Variants in TOP6BL observed in about 807,000 individuals in gnomAD.
TOP6BL encodes the protein TOP6B like initiator of meiotic double strand breaks.
At chr11:66,761,942 G>T in the TOP6BL span, 32 of 1,521,020 alleles carry the variant, frequency 2.1e-5, no homozygotes, top group South Asian at 3.0e-4. Flanking sequence ...TCAATTCAGG[G>T]TCTTCAACCT....
At chr11:66,827,966 G>GAAA in the TOP6BL span, among the ~76,000 whole-genome samples, 33 of 30,006 alleles carry the variant, frequency 1.1e-3, no homozygotes, top group Non-Finnish European at 1.7e-3. Context: ...CTCTGTCTCA[G>GAAA]AAAAAAAAAA....
chr11:66,813,789 T>G, the TOP6BL span: 2 of 1,349,624 alleles, frequency 1.5e-6, no homozygotes, highest in Non-Finnish European at 2.1e-6. Flanking sequence ...ACCAGGTCAG[T>G]GTTGTTTGTT....
the TOP6BL span, among the ~76,000 whole-genome samples, chr11:66,827,286 G>A: frequency 6.6e-6 from 1 of 151,954 alleles, no homozygotes; most frequent in Non-Finnish European, 1.5e-5. Context: ...CCGACCTCAG[G>A]TGATCCACCT....
At chr11:66,822,732 G>T in the TOP6BL span, 1 of 1,215,940 alleles carries the variant, frequency 8.2e-7, no homozygotes, top group African/African-American at 1.5e-5. Context: ...GGCTGGGTAC[G>T]GTGGCTCATG....
chr11:66,759,126 G>C, the TOP6BL span: 1 of 1,379,296 alleles, frequency 7.3e-7, no homozygotes, highest in East Asian at 2.4e-5. Flanking sequence ...CCATGAGACT[G>C]AATATCTTCC....
chr11:66,788,783 A>G, the TOP6BL span, among the ~76,000 whole-genome samples: 11 of 152,190 alleles, frequency 7.2e-5, no homozygotes, highest in Non-Finnish European at 1.2e-4. Context: ...TATGTCGCAC[A>G]GTCTGGAGTG....
At chr11:66,843,317 C>A in the TOP6BL span, 3 of 1,535,160 alleles carry the variant, frequency 2.0e-6, no homozygotes, top group Non-Finnish European at 2.6e-6. Context: ...CTGCCGCGCG[C>A]TCACCAAGTC....
the TOP6BL span, among the ~76,000 whole-genome samples, chr11:66,830,447 G>A: frequency 6.6e-6 from 1 of 152,114 alleles, no homozygotes; most frequent in African/African-American, 2.4e-5. Flanking sequence ...AAGAAAAAAG[G>A]CTCAAATCCA....
chr11:66,795,961 A>G, the TOP6BL span: 59 of 226,762 alleles, frequency 2.6e-4, no homozygotes, highest in African/African-American at 1.0e-3. Flanking sequence ...GCACATTAGG[A>G]TGGTGGAGTT....
chr11:66,774,421 C>A, the TOP6BL span, among the ~76,000 whole-genome samples: 1 of 151,874 alleles, frequency 6.6e-6, no homozygotes, highest in East Asian at 1.9e-4. Flanking sequence ...CCTTGTTTTT[C>A]TTTTTCAGAA....
At chr11:66,819,972 G>A in the TOP6BL span, among the ~76,000 whole-genome samples, 7 of 151,822 alleles carry the variant, frequency 4.6e-5, no homozygotes, top group African/African-American at 1.7e-4. Context: ...CCAGCTATTC[G>A]GGAGGCTGAG....
the TOP6BL span, among the ~76,000 whole-genome samples, chr11:66,782,114 T>A: frequency 6.6e-6 from 1 of 152,144 alleles, no homozygotes; most frequent in African/African-American, 2.4e-5. Context: ...AAACTCTATC[T>A]CCTCTGTGGG....
chr11:66,831,778 G>A, the TOP6BL span, among the ~76,000 whole-genome samples: 21 of 152,026 alleles, frequency 1.4e-4, no homozygotes, highest in South Asian at 2.5e-3. Context: ...AGTGGATCAC[G>A]AGGTCAAGAG....
At chr11:66,779,808 T>TAC in the TOP6BL span, among the ~76,000 whole-genome samples, 519 of 152,052 alleles carry the variant, frequency 3.4e-3, 4 homozygotes, top group African/African-American at 0.011. Context: ...GTGGCACATA[T>TAC]ACCATGGAAT....
chr11:66,820,659 C>T, the TOP6BL span, among the ~76,000 whole-genome samples: 1 of 152,230 alleles, frequency 6.6e-6, no homozygotes, highest in African/African-American at 2.4e-5. Context: ...TCTGAAAGCA[C>T]TGCCACAACA....
the TOP6BL span, among the ~76,000 whole-genome samples, chr11:66,745,488 C>T: frequency 6.6e-6 from 1 of 152,200 alleles, no homozygotes; most frequent in Non-Finnish European, 1.5e-5. Context: ...CTCTGGAAGA[C>T]GGCACTGAGC....
chr11:66,836,694 A>G, the TOP6BL span, among the ~76,000 whole-genome samples: 26 of 107,750 alleles, frequency 2.4e-4, no homozygotes, highest in Non-Finnish European at 3.6e-5. Context: ...CACTACAGAA[A>G]ATATGATTTT....
chr11:66,834,881 G>C, the TOP6BL span, among the ~76,000 whole-genome samples: 3 of 152,160 alleles, frequency 2.0e-5, no homozygotes, highest in Non-Finnish European at 4.4e-5. Context: ...TGTTTGAACA[G>C]AGACAGTGGG....
chr11:66,770,564 C>T, the TOP6BL span, among the ~76,000 whole-genome samples: 4 of 151,998 alleles, frequency 2.6e-5, no homozygotes, highest in Non-Finnish European at 5.9e-5. Flanking sequence ...ATTAGCTAGG[C>T]GTGGTGGCCG....
Sources: allele counts gnomAD v4.1 joint callset (sites outside exome capture counted in the v4.1 genomes callset), GRCh38; gene constraint gnomAD v4.1.1; transcripts MANE v1.5; gene names NCBI Gene and HGNC (gene_info 2026-07-23, HGNC 2026-07-21).